CEP95: variants seen among roughly 807,000 people sequenced by gnomAD.
The protein encoded by CEP95 is centrosomal protein of 95 kDa.
Under a neutral mutation model 111.2 loss-of-function variants are expected in CEP95, and 98 were observed. The ratio of observed to expected loss-of-function variants is 0.88; its 90% confidence interval spans 0.75 to 1.04. CEP95 has a LOEUF of 1.04. Ranked by LOEUF, CEP95 falls within the 50% of genes least tolerant of loss-of-function variation. CEP95 has a pLI of 0.00. For missense variants in CEP95, 1,027 were observed against 977.2 expected (o/e 1.05, Z -0.68); for synonymous variants, 323 against 327.1 (o/e 0.99, Z 0.14).
At chr17:64,524,340 G>A (rs532328232) in intron 8 of CEP95, among the ~76,000 whole-genome samples, 2 of 152,030 alleles carry the variant, frequency 1.3e-5, no homozygotes, top group Middle Eastern at 3.4e-3. Context: ...ACAGAGTGTC[G>A]CTGTGTCGCC....
intron 2 of CEP95, among the ~76,000 whole-genome samples, 185 bp from the exon 3 acceptor site, chr17:64,509,988 T>C (rs1256913819): frequency 6.6e-6 from 1 of 152,134 alleles, no homozygotes; most frequent in Non-Finnish European, 1.5e-5. Flanking sequence ...CAATAAATAC[T>C]CAACCAGTAA....
At position 64,510,157 on chromosome 17, in the gene CEP95, T is replaced by A. The variant is rs1005345723; in HGVS notation, c.149-16T>A. ...CTCTCATGGATACAAAATTATGTGA[T>A]TTTTTCCCCCCCCAGACCTCATAGT... On this transcript the variant is annotated splice_polypyrimidine_tract_variant and intron_variant, in intron 2 of 19. Coordinates refer to ENST00000556440, the MANE Select transcript of CEP95 (RefSeq NM_138363.3). 8.0e-7 allele frequency: 1 copy of A among 1,242,608 alleles called. No individual in the cohort carries two copies. 77.0% of individuals were successfully genotyped at this position (1,242,608 alleles called of 1,614,324 possible).
Position 64,522,819 on chromosome 17 carries a change from T to C in CEP95, c.833T>C (p.Ile278Thr), listed in dbSNP as rs781963520. 5.0e-6 allele frequency: 8 copies of C among 1,613,738 alleles called. No individual in the cohort carries two copies. In the South Asian group the frequency reaches 6.6e-5, roughly 13 times the overall value. ...TCAGAGCCTCGAGCACCCTGCCCCA[T>C]AGGAAAAGAATACTTGCATTCAAGT... ...HPSEPRAPCP[I>T]GKEYLHSSHC... The change falls in exon 8 of 20, where the codon ATA becomes ACA. Residue 278 changes from isoleucine (I) to threonine (T), a missense_variant. Physicochemically the swap from Ile to Thr is moderately conservative, Grantham distance 89 (BLOSUM62 -1). Transcript: ENST00000556440.
chr17:64,522,532 T>C (rs1443341962), intron 7 of CEP95, among the ~76,000 whole-genome samples, 170 bp from the exon 8 acceptor site: 2 of 152,166 alleles, frequency 1.3e-5, no homozygotes, highest in Non-Finnish European at 2.9e-5. Flanking sequence ...TAGATCCCTG[T>C]GTGCTGAGGC....
At chr17:64,518,092 G>A (rs1385972030) in intron 5 of CEP95, among the ~76,000 whole-genome samples, 1 of 152,124 alleles carries the variant, frequency 6.6e-6, no homozygotes, top group Non-Finnish European at 1.5e-5. Flanking sequence ...GGCAAGGCTG[G>A]TCTTGAACTC....
chr17:64,512,034 A>G (rs555382022), intron 3 of CEP95, among the ~76,000 whole-genome samples: 124 of 152,366 alleles, frequency 8.1e-4, no homozygotes, highest in African/African-American at 2.6e-3. Context: ...GGTTAGATAA[A>G]TCATGATAGC....
intron 3 of CEP95, among the ~76,000 whole-genome samples, chr17:64,511,289 A>G (rs1247716794): frequency 6.6e-6 from 1 of 152,180 alleles, no homozygotes; most frequent in Admixed American, 6.5e-5. Flanking sequence ...CTTCTTCCTA[A>G]TAAGCCTGGG....
intron 2 of CEP95, among the ~76,000 whole-genome samples, chr17:64,509,201 G>A (rs965372535): frequency 6.6e-6 from 1 of 152,114 alleles, no homozygotes; most frequent in South Asian, 2.1e-4. Flanking sequence ...GTTAATAAGC[G>A]CATATGTCCT....
chr17:64,509,700 A>AACAT (rs1356301160), intron 2 of CEP95, among the ~76,000 whole-genome samples: 4 of 152,068 alleles, frequency 2.6e-5, no homozygotes, highest in Admixed American at 2.6e-4. Flanking sequence ...ATAATAAATA[A>AACAT]ACATACATAT....
rs1006675325 is a variant in CEP95, at chr17:64,537,542, C to T, written c.2290-61C>T. On this transcript the variant is annotated intron_variant, in intron 19 of 19. Transcript: ENST00000556440. ...GATTAGCTGGAAGATGGAGAGGGAA[C>T]AATAGATGAGGGCCTGGATAAATGC... 16 of 1,487,014 alleles carry T rather than the reference C, an allele frequency of 1.1e-5. No individual in the cohort carries two copies. In the Middle Eastern group the frequency reaches 1.2e-3, roughly 113 times the overall value. The allele number at this position is 1,487,014 out of a possible 1,614,324, so 92.1% of individuals were successfully genotyped here. A position where few individuals can be genotyped will look rare whatever the true frequency, so the allele number is the denominator to read the frequency against.
At position 64,508,578 on chromosome 17, in the gene CEP95, C is replaced by T. The variant is rs782466820; in HGVS notation, c.20-14C>T. On this transcript the variant is annotated splice_polypyrimidine_tract_variant and intron_variant, in intron 1 of 19. Coordinates refer to ENST00000556440, the MANE Select transcript of CEP95 (RefSeq NM_138363.3). ...TGGTTTTTAAGACTGATCTTTCCCC[C>T]TTTTTCCCAACAGAGTGGGTAACCA... is the stretch of plus-strand genomic sequence containing the variant. 2.6e-5 allele frequency: 36 copies of T among 1,370,514 alleles called. No individual in the cohort carries two copies. The highest frequency in any genetic ancestry group is 3.3e-5 in the Non-Finnish European group (35 of 1,048,976). The allele number at this position is 1,370,514 out of a possible 1,614,324, so 84.9% of individuals were successfully genotyped here. A position where few individuals can be genotyped will look rare whatever the true frequency, so the allele number is the denominator to read the frequency against.
intron 16 of CEP95, 104 bp downstream of exon 16, chr17:64,533,295 C>A: frequency 1.1e-6 from 1 of 914,084 alleles, no homozygotes; most frequent in Non-Finnish European, 1.6e-6. Context: ...AACCTCTTAA[C>A]ACCTGCATGT....
chr17:64,533,267 A>T, intron 16 of CEP95, 76 bp downstream of exon 16: 2 of 1,232,860 alleles, frequency 1.6e-6, no homozygotes, highest in Non-Finnish European at 2.3e-6. Flanking sequence ...TAGCTGGGCA[A>T]CAGTTGCACA....
chr17:64,507,018 G>T lies in CEP95; in HGVS notation c.-80G>T. 6.6e-7 allele frequency: 1 copy of T among 1,516,234 alleles called. No individual in the cohort carries two copies. The highest frequency in any genetic ancestry group is 9.0e-7 in the Non-Finnish European group (1 of 1,115,742). The allele number at this position is 1,516,234 out of a possible 1,614,324, so 93.9% of individuals were successfully genotyped here. On this transcript the variant is annotated 5_prime_UTR_variant, in exon 1 of 20. Coordinates refer to ENST00000556440, the MANE Select transcript of CEP95 (RefSeq NM_138363.3). The stretch of plus-strand genomic sequence containing the variant: ...TTCGTGCGTCCGCGCCCCAGTGTCG[G>T]GTCTGCGTGGATCGGTCCTTCCAGG...
At chr17:64,535,004 T>G in intron 17 of CEP95, 1 of 419,176 alleles carries the variant, frequency 2.4e-6, no homozygotes, top group Non-Finnish European at 4.5e-6. Context: ...ACTTCTCCAG[T>G]AAAACTACTT....
At chr17:64,508,477 C>T in intron 1 of CEP95, 115 bp from the exon 2 acceptor site, 1 of 1,195,480 alleles carries the variant, frequency 8.4e-7, no homozygotes, top group Non-Finnish European at 1.1e-6. Context: ...TCCTTATCTT[C>T]TGCAAAGTTC....
At chr17:64,520,503 A>C (rs1444308400) in intron 6 of CEP95, 5 of 143,218 alleles carry the variant, frequency 3.5e-5, no homozygotes, top group Non-Finnish European at 6.0e-5. Flanking sequence ...TCTGTCACCC[A>C]GGGTGGAGTG....
At position 64,531,100 on chromosome 17, in the gene CEP95, G is replaced by A. The variant is rs1968247532; in HGVS notation, c.1539+82G>A. Reference sequence around the variant, plus strand: ...AAAGATGATCTTTTTAAAAGAAGAAGGGGCCAACAGGGCCTTAATCATGAG... The same window carrying A: ...AAAGATGATCTTTTTAAAAGAAGAAAGGGCCAACAGGGCCTTAATCATGAG... On this transcript the variant is annotated intron_variant, in intron 13 of 19. Transcript: ENST00000556440. 1.9e-5 allele frequency: 14 copies of A among 722,384 alleles called. No individual in the cohort carries two copies. The South Asian group carries it at 3.3e-4, about 17-fold the overall frequency. 44.7% of individuals were successfully genotyped at this position (722,384 alleles called of 1,614,324 possible).
rs782459252 is a variant in CEP95, at chr17:64,534,704, A to G, written c.2037A>G (p.Ala679=). 1.1e-5 allele frequency: 17 copies of G among 1,612,736 alleles called. No homozygotes were observed. The highest frequency in any genetic ancestry group is 1.4e-5 in the Non-Finnish European group (17 of 1,179,330). Residue 679 remains alanine (A), a synonymous_variant, in exon 17 of 20, where the codon GCA becomes GCG. Coordinates refer to ENST00000556440, the MANE Select transcript of CEP95 (RefSeq NM_138363.3). Reference sequence around the variant, plus strand: ...ATGATTATAGAGTTCAGTTGTGTGCAAAAATGATGAGAATGAGGACCCGGG... The same window carrying G: ...ATGATTATAGAGTTCAGTTGTGTGCGAAAATGATGAGAATGAGGACCCGGG... The part of the protein sequence containing the change: ...YYDDYRVQLC[A]KMMRMRTREE...
Sources: gnomAD v4.1 joint callset for allele counts (sites outside exome capture counted in the v4.1 genomes callset) on GRCh38, gnomAD v4.1.1 for gene constraint, MANE v1.5 for transcripts, NCBI Gene and HGNC (gene_info 2026-07-23, HGNC 2026-07-21) for gene names.